TRDN: variants seen among roughly 807,000 people sequenced by gnomAD.
TRDN encodes triadin.
TRDN carries 161 observed loss-of-function variants against 149.7 expected under a neutral mutation model. The observed-to-expected ratio is 1.08, with a 90% CI of 0.95 to 1.23. The LOEUF (loss-of-function observed/expected upper bound fraction) is 1.23, where lower values mean the gene tolerates loss of function less well. TRDN is among the 50% of genes most tolerant of loss of function. The probability of loss-of-function intolerance (pLI) is 0.00; values close to 1 mark genes in which losing one functional copy is unlikely to be tolerated. For missense variants in TRDN, 896 were observed against 823.5 expected, an observed-to-expected ratio of 1.09 and a Z score of -1.08; for synonymous variants, 294 against 250.5, an observed-to-expected ratio of 1.17 and a Z score of -1.64.
At chr6:123,230,127 G>C (rs1021312604) in intron 38 of TRDN, among the ~76,000 whole-genome samples, 3 of 151,852 alleles carry the variant, frequency 2.0e-5, no homozygotes, top group Non-Finnish European at 4.4e-5. Context: ...CAAAGACTTG[G>C]AACCAACCCA....
chr6:123,584,558 G>A (rs1047251538), intron 1 of TRDN, among the ~76,000 whole-genome samples: 1 of 152,048 alleles, frequency 6.6e-6, no homozygotes, highest in Non-Finnish European at 1.5e-5. Context: ...GACACGATCA[G>A]CAGGGAACGC....
intron 9 of TRDN, among the ~76,000 whole-genome samples, chr6:123,477,426 A>G (rs1485303803): frequency 6.7e-6 from 1 of 149,768 alleles, no homozygotes; most frequent in Non-Finnish European, 1.5e-5. Flanking sequence ...GCTGGGGAGG[A>G]TGTGGAGAAA....
At chr6:123,398,171 A>AT (rs1382267813) in intron 12 of TRDN, among the ~76,000 whole-genome samples, 8 of 152,044 alleles carry the variant, frequency 5.3e-5, no homozygotes, top group Non-Finnish European at 1.5e-5. Flanking sequence ...CGCCCAGCTA[A>AT]TTTTTTTCTA....
chr6:123,369,691 C>T lies in TRDN; in HGVS notation c.1274-3509G>A, dbSNP rs1781248333. On this transcript the variant is annotated intron_variant, in intron 19 of 40. Coordinates refer to ENST00000334268, the MANE Select transcript of TRDN (RefSeq NM_006073.4). ...AAAATAGGGGCAGACTAAATTACAT[C>T]ACTGTTCCACTACCACACCAGCACA... Among the ~76,000 whole-genome samples the T allele has an allele frequency of 2.6e-5, 4 of 152,164 alleles. No individual in the cohort carries two copies. The South Asian group carries it at 8.3e-4, about 32-fold the overall frequency.
At chr6:123,553,100 C>T (rs868757616) in intron 2 of TRDN, among the ~76,000 whole-genome samples, 3 of 152,080 alleles carry the variant, frequency 2.0e-5, no homozygotes, top group Admixed American at 6.6e-5. Context: ...TAAACATCAA[C>T]GTGAAGAAAT....
chr6:123,511,230 C>T (rs1027522065), intron 7 of TRDN, among the ~76,000 whole-genome samples: 1 of 152,128 alleles, frequency 6.6e-6, no homozygotes, highest in Admixed American at 6.6e-5. Context: ...ATTGAAGAGA[C>T]TGTCCTTTCC....
chr6:123,293,736 T>C (rs1278793619), intron 24 of TRDN, among the ~76,000 whole-genome samples: 1 of 152,086 alleles, frequency 6.6e-6, no homozygotes, highest in Non-Finnish European at 1.5e-5. Context: ...TGGGAAGAAG[T>C]CAAACACTGT....
At chr6:123,433,162 A>ATAT (rs796874348) in intron 12 of TRDN, among the ~76,000 whole-genome samples, 2,741 of 79,610 alleles carry the variant, frequency 0.034, 207 homozygotes, top group East Asian at 0.098. Flanking sequence ...ATATATATAT[A>ATAT]ATATATATAT....
chr6:123,421,410 T>A (rs763895306), intron 12 of TRDN, among the ~76,000 whole-genome samples: 10 of 152,194 alleles, frequency 6.6e-5, no homozygotes, highest in Admixed American at 6.5e-5. Context: ...ACCTGTCAAA[T>A]GAAGTGTAAA....
chr6:123,573,231 T>A (rs1012762272), intron 1 of TRDN, among the ~76,000 whole-genome samples: 1 of 152,058 alleles, frequency 6.6e-6, no homozygotes, highest in African/African-American at 2.4e-5. Flanking sequence ...AGCATCTAGA[T>A]CTGATGAATG....
intron 2 of TRDN, among the ~76,000 whole-genome samples, chr6:123,560,589 C>T (rs1249914441): frequency 6.6e-6 from 1 of 152,150 alleles, no homozygotes; most frequent in African/African-American, 2.4e-5. Flanking sequence ...GGGCTCAGAT[C>T]CCATCGCTCA....
At chr6:123,569,378 G>A (rs1003235465) in intron 2 of TRDN, among the ~76,000 whole-genome samples, 2 of 152,006 alleles carry the variant, frequency 1.3e-5, no homozygotes, top group Non-Finnish European at 2.9e-5. Flanking sequence ...ATCTTCTTCT[G>A]AGCAATCCAA....
At chr6:123,366,546 T>G (rs1582924355) in intron 19 of TRDN, among the ~76,000 whole-genome samples, 1 of 152,074 alleles carries the variant, frequency 6.6e-6, no homozygotes, top group Non-Finnish European at 1.5e-5. Flanking sequence ...AAACGGAGAT[T>G]GGCTCTTGTT....
rs1367203064 is a variant in TRDN at position 123,259,621 on chromosome 6, T to C, written c.1870+3A>G. The C allele has an allele frequency of 6.8e-7, 1 of 1,477,342 alleles. No individual in the cohort carries two copies. The allele number at this position is 1,477,342 out of a possible 1,614,324, so 91.5% of individuals were successfully genotyped here. On this transcript the variant is annotated splice_donor_region_variant and intron_variant, in intron 35 of 40. Coordinates refer to ENST00000334268, the MANE Select transcript of TRDN (RefSeq NM_006073.4). Reference sequence around the variant, plus strand: ...TGTATATGTCTTAAAATGTCATTTTTACCTTTACTTTCTTTTTCAGATATT... The same window carrying C: ...TGTATATGTCTTAAAATGTCATTTTCACCTTTACTTTCTTTTTCAGATATT...
chr6:123,502,808 C>G (rs1221151910), intron 8 of TRDN: 1 of 985,214 alleles, frequency 1.0e-6, no homozygotes, highest in Non-Finnish European at 1.2e-6. Flanking sequence ...TGCAATGTCT[C>G]CAAGAAACAC....
chr6:123,582,833 G>A (rs1345924717), intron 1 of TRDN, among the ~76,000 whole-genome samples: 10 of 137,814 alleles, frequency 7.3e-5, no homozygotes, highest in Admixed American at 1.6e-4. Context: ...GATAATGGGC[G>A]ATGTTTCTCA....
chr6:123,441,533 G>T (rs1424966561), intron 10 of TRDN, among the ~76,000 whole-genome samples: 1 of 152,170 alleles, frequency 6.6e-6, no homozygotes, highest in Non-Finnish European at 1.5e-5. Flanking sequence ...AGGGATCACA[G>T]AAGAGTGTGG....
chr6:123,524,035 G>A (rs1231095727), intron 5 of TRDN, among the ~76,000 whole-genome samples: 2 of 152,108 alleles, frequency 1.3e-5, no homozygotes, highest in Non-Finnish European at 2.9e-5. Flanking sequence ...CCCAAACCCT[G>A]GCATTACTTC....
chr6:123,334,407 G>A (rs1779786981), intron 22 of TRDN, among the ~76,000 whole-genome samples: 1 of 152,044 alleles, frequency 6.6e-6, no homozygotes, highest in African/African-American at 2.4e-5. Context: ...CTTAACTACT[G>A]TGTTGCCTCT....
Sources: allele counts gnomAD v4.1 joint callset (sites outside exome capture counted in the v4.1 genomes callset), GRCh38; gene constraint gnomAD v4.1.1; transcripts MANE v1.5; gene names NCBI Gene and HGNC (gene_info 2026-07-23, HGNC 2026-07-21).